The following PTPRT variants were observed in gnomAD, a reference collection of about 807,000 sequenced individuals.
PTPRT encodes the protein protein tyrosine phosphatase receptor type T, also known as receptor-type tyrosine-protein phosphatase T.
A neutral mutation model predicts 176.8 loss-of-function variants in PTPRT; 56 were observed. The observed-to-expected ratio is 0.32, with a 90% CI of 0.26 to 0.40. The LOEUF (loss-of-function observed/expected upper bound fraction) is 0.40, where lower values mean the gene tolerates loss of function less well. Among genes scored for constraint, PTPRT ranks in the 10% least tolerant of loss-of-function variants. PTPRT has a pLI of 1.00. For missense variants in PTPRT, 1,540 were observed against 1,908.2 expected (o/e 0.81, Z 3.60); for synonymous variants, 783 against 739.0 (o/e 1.06, Z -0.96).
chr20:42,236,593 ATT>A (rs11480202), intron 14 of PTPRT, among the ~76,000 whole-genome samples: 18 of 135,600 alleles, frequency 1.3e-4, no homozygotes, highest in South Asian at 5.0e-4. Context: ...TGTAATTATG[ATT>A]TTTTTTTTTT....
intron 1 of PTPRT, among the ~76,000 whole-genome samples, chr20:42,900,461 C>T (rs2079384208): frequency 6.6e-6 from 1 of 152,176 alleles, no homozygotes; most frequent in Non-Finnish European, 1.5e-5. Context: ...TACCCCTTTC[C>T]AGCACTTCCT....
intron 1 of PTPRT, 117 bp from the exon 2 acceptor site, chr20:42,886,049 C>CAA: frequency 4.6e-6 from 2 of 431,228 alleles, no homozygotes; most frequent in East Asian, 6.5e-5. Flanking sequence ...AGAAGATTTT[C>CAA]CATATATATA....
chr20:43,189,841 G>A lies in PTPRT; in HGVS notation c.-108C>T. On this transcript the variant is annotated 5_prime_UTR_variant, in exon 1 of 31. Coordinates refer to ENST00000373187, the MANE Select transcript of PTPRT (RefSeq NM_007050.6). This position sits in a 1 kb window ranked among gnomAD's most constrained non-coding sequence, Gnocchi z 5.0. The stretch of plus-strand genomic sequence containing the variant: ...CGGCGCGGCCGCTGGCTGTGCGCGC[G>A]GCTGGCTCCGCTCGGGCTCCCGGAG... 1 of 465,934 alleles carries A rather than the reference G, an allele frequency of 2.1e-6. No homozygotes were observed. Among genetic ancestry groups the A allele is most frequent in the Non-Finnish European group, 2.8e-6 (1 of 355,296 alleles). The allele number at this position is 465,934 out of a possible 1,614,324, so 28.9% of individuals were successfully genotyped here. A position where few individuals can be genotyped will look rare whatever the true frequency, so the allele number is the denominator to read the frequency against.
intron 11 of PTPRT, among the ~76,000 whole-genome samples, chr20:42,337,781 C>T (rs2058060666): frequency 6.6e-6 from 1 of 152,188 alleles, no homozygotes; most frequent in South Asian, 2.1e-4. Context: ...TACTGTCTTA[C>T]AGGCACAAAA....
chr20:42,366,478 C>T (rs1410558869), intron 9 of PTPRT, among the ~76,000 whole-genome samples: 3 of 152,194 alleles, frequency 2.0e-5, no homozygotes, highest in South Asian at 2.1e-4. Context: ...TCCATTTCTG[C>T]ACCTGTGGCT....
intron 1 of PTPRT, among the ~76,000 whole-genome samples, chr20:43,139,146 T>C (rs2013924739): frequency 6.6e-6 from 1 of 152,238 alleles, no homozygotes; most frequent in Non-Finnish European, 1.5e-5. Flanking sequence ...AAGTGTTGCT[T>C]TGCTAACAAG....
chr20:42,937,719 G>T (rs1400022893), intron 1 of PTPRT, among the ~76,000 whole-genome samples: 1 of 152,208 alleles, frequency 6.6e-6, no homozygotes. Flanking sequence ...GACATACTCT[G>T]TGAATCACAC....
At chr20:42,643,071 C>T (rs1344879920) in intron 7 of PTPRT, among the ~76,000 whole-genome samples, 1 of 152,180 alleles carries the variant, frequency 6.6e-6, no homozygotes, top group Non-Finnish European at 1.5e-5. Flanking sequence ...CAGCTGAAGC[C>T]ACCTGAGACC....
At chr20:42,706,548 C>A (rs1243114691) in intron 6 of PTPRT, among the ~76,000 whole-genome samples, 2 of 152,046 alleles carry the variant, frequency 1.3e-5, no homozygotes, top group African/African-American at 4.8e-5. Flanking sequence ...GAAAGTAAAA[C>A]ATATGGGCAC....
chr20:42,750,313 T>C (rs543127905), intron 6 of PTPRT, among the ~76,000 whole-genome samples: 1 of 152,252 alleles, frequency 6.6e-6, no homozygotes, highest in Non-Finnish European at 1.5e-5. Context: ...TGTTTATATA[T>C]GTTACATATA....
At chr20:42,662,171 GA>G (rs1261622690) in intron 7 of PTPRT, among the ~76,000 whole-genome samples, 1 of 152,194 alleles carries the variant, frequency 6.6e-6, no homozygotes, top group East Asian at 1.9e-4. Context: ...CTCACCTGCA[GA>G]AATGCCTGTT....
At chr20:42,784,232 T>C (rs931878117) in intron 3 of PTPRT, among the ~76,000 whole-genome samples, 1 of 152,172 alleles carries the variant, frequency 6.6e-6, no homozygotes, top group South Asian at 2.1e-4. Context: ...TTGTTCATAC[T>C]TGGAGGAGGG....
chr20:42,883,873 C>T (rs1165151513), intron 2 of PTPRT, among the ~76,000 whole-genome samples: 2 of 137,924 alleles, frequency 1.5e-5, no homozygotes, highest in African/African-American at 5.5e-5. Flanking sequence ...GACATGCATA[C>T]ACACATACAC....
At chr20:43,163,983 C>T (rs964720814) in intron 1 of PTPRT, among the ~76,000 whole-genome samples, 10 of 152,224 alleles carry the variant, frequency 6.6e-5, no homozygotes, top group East Asian at 1.9e-4. Flanking sequence ...CATGGGAGGA[C>T]GACTTCTAAA....
chr20:42,403,285 T>A (rs1157177540), intron 9 of PTPRT, among the ~76,000 whole-genome samples: 3 of 152,222 alleles, frequency 2.0e-5, no homozygotes, highest in Admixed American at 1.3e-4. Context: ...TACCATCATT[T>A]ACCTAAACAT....
chr20:42,913,664 TGAA>T (rs1413214085), intron 1 of PTPRT, among the ~76,000 whole-genome samples: 1 of 152,226 alleles, frequency 6.6e-6, no homozygotes, highest in Non-Finnish European at 1.5e-5. Context: ...TTTTCAAGAT[TGAA>T]TGATGAGGTT....
intron 7 of PTPRT, among the ~76,000 whole-genome samples, chr20:42,580,181 T>A (rs1050486421): frequency 6.6e-6 from 1 of 152,174 alleles, no homozygotes; most frequent in Non-Finnish European, 1.5e-5. Context: ...CATTGCTTGT[T>A]TTTCTCAGGT....
At chr20:43,072,336 G>A (rs80174015) in intron 1 of PTPRT, among the ~76,000 whole-genome samples, 59 of 152,314 alleles carry the variant, frequency 3.9e-4, no homozygotes, top group African/African-American at 1.3e-3. Context: ...GAAGCCTGCA[G>A]ATTAATAACC....
chr20:43,115,766 C>A lies in PTPRT; in HGVS notation c.88+73880G>T, dbSNP rs147509791. On this transcript the variant is annotated intron_variant, in intron 1 of 30. Transcript: ENST00000373187. ...GCACAGCCTTTGGGTCCAGACACCC[C>A]GTCCAGGGCTCTATTACAAGCAGTT... Among the ~76,000 whole-genome samples, 939 of 152,178 alleles carry A rather than the reference C, an allele frequency of 6.2e-3. 10 individuals carry two copies. The highest frequency in any genetic ancestry group is 0.021 in the African/African-American group (891 of 41,546).
Sources: gnomAD v4.1 joint callset for allele counts (sites outside exome capture counted in the v4.1 genomes callset) on GRCh38, gnomAD v4.1.1 for gene constraint, Gnocchi (gnomAD v3.1) non-coding constraint, MANE v1.5 for transcripts, NCBI Gene and HGNC (gene_info 2026-07-23, HGNC 2026-07-21) for gene names.